PPP1R12B: variants seen among roughly 807,000 people sequenced by gnomAD.
The protein encoded by PPP1R12B is protein phosphatase 1 regulatory subunit 12B, also known as myosin phosphatase target subunit 2.
Under a neutral mutation model 126.1 loss-of-function variants are expected in PPP1R12B, and 76 were observed. The ratio of observed to expected loss-of-function variants is 0.60; its 90% CI spans 0.50 to 0.73. The LOEUF (loss-of-function observed/expected upper bound fraction) is 0.73, where lower values mean the gene tolerates loss of function less well. Ranked by LOEUF, PPP1R12B falls within the 30% of genes least tolerant of loss-of-function variation. The pLI is 0.00. For missense variants in PPP1R12B, 1,052 were observed against 1,205.1 expected, an observed-to-expected ratio of 0.87 and a Z score of 1.88; for synonymous variants, 356 against 434.7, an observed-to-expected ratio of 0.82 and a Z score of 2.25.
chr1:202,412,071 A>G (rs1217720045), intron 1 of PPP1R12B, among the ~76,000 whole-genome samples: 1 of 152,186 alleles, frequency 6.6e-6, no homozygotes, highest in Admixed American at 6.5e-5. Context: ...TCACAGATTG[A>G]TGATCGCCAA....
intron 1 of PPP1R12B, among the ~76,000 whole-genome samples, chr1:202,404,839 C>T (rs1666368962): frequency 6.6e-6 from 1 of 152,196 alleles, no homozygotes; most frequent in Non-Finnish European, 1.5e-5. Context: ...CCTGTAGCCC[C>T]TCGACCAAGT....
At chr1:202,570,057 A>T (rs536562072) in intron 23 of PPP1R12B, among the ~76,000 whole-genome samples, 25 of 152,346 alleles carry the variant, frequency 1.6e-4, no homozygotes, top group Non-Finnish European at 3.5e-4. Flanking sequence ...CCTGCAATGC[A>T]TGATGACACA....
chr1:202,539,429 G>A (rs1684882614), intron 18 of PPP1R12B, among the ~76,000 whole-genome samples: 1 of 152,186 alleles, frequency 6.6e-6, no homozygotes, highest in Non-Finnish European at 1.5e-5. Flanking sequence ...AAGAGGGGAG[G>A]GGAAAAGATG....
At chr1:202,427,317 C>G in intron 5 of PPP1R12B, 133 bp downstream of exon 5, 2 of 1,240,984 alleles carry the variant, frequency 1.6e-6, no homozygotes, top group South Asian at 2.8e-5. Context: ...TAATGTTACC[C>G]TCCACCACCC....
intron 13 of PPP1R12B, among the ~76,000 whole-genome samples, chr1:202,461,706 T>C (rs1674329186): frequency 6.6e-6 from 1 of 152,134 alleles, no homozygotes; most frequent in Non-Finnish European, 1.5e-5. Context: ...CCTTACCAAT[T>C]ATTTATAATG....
chr1:202,498,901 T>C (rs1284002300), intron 18 of PPP1R12B, among the ~76,000 whole-genome samples: 1 of 152,200 alleles, frequency 6.6e-6, no homozygotes, highest in Non-Finnish European at 1.5e-5. Context: ...TATCTGCTAT[T>C]GAGGTCATGC....
intron 18 of PPP1R12B, among the ~76,000 whole-genome samples, chr1:202,549,180 C>T (rs545530874): frequency 3.9e-4 from 60 of 152,258 alleles, no homozygotes; most frequent in African/African-American, 1.4e-3. Context: ...TTTGGGATGA[C>T]TGTGGCCCTC....
chr1:202,555,531 A>G (rs1254731527), intron 18 of PPP1R12B, among the ~76,000 whole-genome samples: 3 of 151,828 alleles, frequency 2.0e-5, no homozygotes, highest in South Asian at 4.2e-4. Flanking sequence ...GCAAAAAAGC[A>G]TGATTTAATT....
intron 13 of PPP1R12B, among the ~76,000 whole-genome samples, chr1:202,468,882 T>C (rs1400843799): frequency 2.0e-5 from 3 of 151,962 alleles, no homozygotes; most frequent in Non-Finnish European, 4.4e-5. Flanking sequence ...GAAGCAGAGG[T>C]TGCAGTGACC....
At chr1:202,470,590 T>C (rs1053952096) in intron 13 of PPP1R12B, among the ~76,000 whole-genome samples, 2 of 152,110 alleles carry the variant, frequency 1.3e-5, no homozygotes, top group Non-Finnish European at 2.9e-5. Context: ...CTATATATGG[T>C]TTTTTCTTTT....
At chr1:202,366,164 C>G (rs1659190165) in intron 1 of PPP1R12B, among the ~76,000 whole-genome samples, 1 of 152,168 alleles carries the variant, frequency 6.6e-6, no homozygotes, top group African/African-American at 2.4e-5. Flanking sequence ...ATGGTATACA[C>G]AGAAGACGAC....
intron 18 of PPP1R12B, among the ~76,000 whole-genome samples, chr1:202,507,349 G>A (rs1680923939): frequency 1.3e-5 from 2 of 152,022 alleles, no homozygotes; most frequent in South Asian, 2.1e-4. Context: ...TTATTATAAA[G>A]TGCTTTGCTC....
At position 202,387,889 on chromosome 1, in the gene PPP1R12B, T is replaced by C. The variant is rs1571754681; in HGVS notation, c.292-28898T>C. 1.3e-5 allele frequency among the ~76,000 whole-genome samples: 2 copies of C among 152,322 alleles called. 1 individual carries two copies. The highest frequency in any genetic ancestry group is 1.3e-4 in the Admixed American group (2 of 15,300). ...AAGCAAGTCTTTGAATTGCCCTGTG[T>C]CACACAGTAAGAATATATGCAAATT... On this transcript the variant is annotated intron_variant, in intron 1 of 23. Coordinates refer to ENST00000608999, the MANE Select transcript of PPP1R12B (RefSeq NM_002481.4).
intron 1 of PPP1R12B, among the ~76,000 whole-genome samples, chr1:202,360,025 C>A (rs771759654): frequency 6.6e-6 from 1 of 151,746 alleles, no homozygotes; most frequent in South Asian, 2.1e-4. Flanking sequence ...TTTTCTCTTA[C>A]CTTATTTGTT....
chr1:202,485,148 C>A (rs1169836229), intron 13 of PPP1R12B, among the ~76,000 whole-genome samples: 1 of 152,168 alleles, frequency 6.6e-6, no homozygotes, highest in Non-Finnish European at 1.5e-5. Flanking sequence ...CAGTTTCCCC[C>A]CTGTGCAGCT....
chr1:202,375,253 AT>A, intron 1 of PPP1R12B, among the ~76,000 whole-genome samples: 1 of 152,040 alleles, frequency 6.6e-6, no homozygotes, highest in Non-Finnish European at 1.5e-5. Context: ...CTCTCAAACT[AT>A]TTTCTATGCT....
chr1:202,521,345 T>C (rs1267845283), intron 18 of PPP1R12B, among the ~76,000 whole-genome samples: 2 of 151,986 alleles, frequency 1.3e-5, no homozygotes, highest in African/African-American at 4.8e-5. Flanking sequence ...CAGTAAAACC[T>C]AAGATCATGA....
intron 11 of PPP1R12B, 131 bp from the exon 12 acceptor site, chr1:202,442,314 CAG>C: frequency 2.9e-6 from 3 of 1,030,292 alleles, no homozygotes. Flanking sequence ...GTATATAAAA[CAG>C]AATAACCTGA....
In PPP1R12B at chr1:202,585,241, C is replaced by T. The variant is rs1023618862; in HGVS notation, c.*4681C>T. 2 of 152,416 alleles carry T rather than the reference C, an allele frequency of 1.3e-5. No individual in the cohort carries two copies. The highest frequency in any genetic ancestry group is 2.4e-5 in the African/African-American group (1 of 41,588). The allele number at this position is 152,416 out of a possible 1,614,324, so 9.4% of individuals were successfully genotyped here. On this transcript the variant is annotated 3_prime_UTR_variant, in exon 24 of 24. Coordinates refer to ENST00000608999, the MANE Select transcript of PPP1R12B (RefSeq NM_002481.4). Reference sequence around the variant, plus strand: ...GAAGCTGCTGGGCTCAAGCAATCCACCTGGCTGGGCCTCCCAAAGCGATAG... The same window carrying T: ...GAAGCTGCTGGGCTCAAGCAATCCATCTGGCTGGGCCTCCCAAAGCGATAG...
Sources: allele counts gnomAD v4.1 joint callset (sites outside exome capture counted in the v4.1 genomes callset), GRCh38; gene constraint gnomAD v4.1.1; transcripts MANE v1.5; gene names NCBI Gene and HGNC (gene_info 2026-07-23, HGNC 2026-07-21).